The following AGO3 variants were observed in gnomAD, a reference collection of about 807,000 sequenced individuals.
AGO3 encodes protein argonaute-3.
In AGO3, 16 loss-of-function variants were observed where a neutral mutation model predicts 105.5. That is an observed-to-expected ratio of 0.15 (90% CI 0.10 to 0.23). The LOEUF (loss-of-function observed/expected upper bound fraction) is 0.23, where lower values mean the gene tolerates loss of function less well. Ranked by LOEUF, AGO3 falls within the 10% of genes least tolerant of loss-of-function variation. The pLI is 1.00. For synonymous variants in AGO3, 340 were observed against 367.3 expected (o/e 0.93, Z 0.85); for missense variants, 534 against 1,088.0 (o/e 0.49, Z 7.16).
intron 14 of AGO3, among the ~76,000 whole-genome samples, chr1:36,038,004 C>A (rs1405734020): frequency 1.3e-5 from 2 of 152,054 alleles, no homozygotes; most frequent in African/African-American, 2.4e-5. Flanking sequence ...TTGGTTGATT[C>A]TTTTTCACTA....
intron 2 of AGO3, among the ~76,000 whole-genome samples, chr1:35,952,208 G>A (rs770436779): frequency 7.1e-6 from 1 of 141,256 alleles, no homozygotes; most frequent in Non-Finnish European, 1.5e-5. Context: ...GTGCAGTGGC[G>A]CGATCGCGGC....
chr1:35,997,563 C>T (rs1414954664), intron 5 of AGO3, among the ~76,000 whole-genome samples: 1 of 152,120 alleles, frequency 6.6e-6, no homozygotes, highest in Non-Finnish European at 1.5e-5. Flanking sequence ...GTTCTGAGCA[C>T]ATTTAAGGTA....
chr1:35,985,837 G>C (rs1204259527), intron 5 of AGO3, among the ~76,000 whole-genome samples: 1 of 152,082 alleles, frequency 6.6e-6, no homozygotes. Context: ...TAGAAAATTT[G>C]TAACTCATAT....
In AGO3 at chr1:35,972,174, A is replaced by G. The variant is rs1456133866; in HGVS notation, c.463A>G (p.Ile155Val). Residue 155 changes from isoleucine to valine, a missense_variant, in exon 4 of 19, where the codon ATC becomes GTC. Physicochemically the swap from Ile to Val is conservative, Grantham distance 29. Coordinates refer to ENST00000373191, the MANE Select transcript of AGO3 (RefSeq NM_024852.4). ...LPEPLELDKP[I>V]STNPVHAVDV... The stretch of plus-strand genomic sequence containing the variant: ...TGAGCCACTGGAATTAGACAAGCCA[A>G]TCAGCACTAACCCTGTCCATGCCGT... 5 of 1,613,996 alleles carry G rather than the reference A, an allele frequency of 3.1e-6. No individual in the cohort carries two copies. Among genetic ancestry groups the G allele is most frequent in the East Asian group, 2.2e-5 (1 of 44,898 alleles).
intron 5 of AGO3, among the ~76,000 whole-genome samples, chr1:35,992,828 T>C (rs1647810092): frequency 6.6e-6 from 1 of 152,216 alleles, no homozygotes; most frequent in South Asian, 2.1e-4. Flanking sequence ...AGGAGTGACT[T>C]CGATGGTTCT....
chr1:35,952,820 G>A (rs1388447177), intron 2 of AGO3, among the ~76,000 whole-genome samples: 1 of 152,178 alleles, frequency 6.6e-6, no homozygotes, highest in Admixed American at 6.5e-5. Context: ...ATTCTATGAT[G>A]TTCACACAAC....
chr1:36,055,814 G>T lies in AGO3; in HGVS notation c.*69G>T, dbSNP rs569965014. 86 of 1,511,598 alleles carry T rather than the reference G, an allele frequency of 5.7e-5. No homozygotes were observed. The African/African-American group carries it at 1.0e-3, about 18-fold the overall frequency. The allele number at this position is 1,511,598 out of a possible 1,614,324, so 93.6% of individuals were successfully genotyped here. On this transcript the variant is annotated 3_prime_UTR_variant, in exon 19 of 19. Transcript: ENST00000373191. This position sits in a 1 kb window ranked among gnomAD's most constrained non-coding sequence, Gnocchi z 4.4. ...TTGACATACAACGTATGTTTCCAGT[G>T]AAGTCAATTGAGTAAGGACACCTCC...
At chr1:36,005,334 A>T (rs1640286536) in intron 6 of AGO3, among the ~76,000 whole-genome samples, 1 of 152,194 alleles carries the variant, frequency 6.6e-6, no homozygotes, top group Admixed American at 6.6e-5. Flanking sequence ...AGAGTAGTTT[A>T]ATACATTCTG....
chr1:35,962,644 A>G (rs777807237), intron 2 of AGO3, among the ~76,000 whole-genome samples: 11 of 152,122 alleles, frequency 7.2e-5, no homozygotes, highest in Non-Finnish European at 1.6e-4. Flanking sequence ...TGATTTATAT[A>G]TGGGAAGTGA....
At chr1:36,029,930 T>G (rs1295645521) in intron 12 of AGO3, among the ~76,000 whole-genome samples, 1 of 151,754 alleles carries the variant, frequency 6.6e-6, no homozygotes, top group Non-Finnish European at 1.5e-5. Context: ...TGACCTCAGG[T>G]GATCTGCCCA....
intron 2 of AGO3, among the ~76,000 whole-genome samples, chr1:35,966,105 G>A (rs1391264924): frequency 1.3e-5 from 2 of 152,106 alleles, no homozygotes; most frequent in African/African-American, 4.8e-5. Context: ...GATTACAGGC[G>A]TAAGCCACTG....
At position 36,008,906 on chromosome 1, in the gene AGO3, A is replaced by G. The variant is rs760021686; in HGVS notation, c.891A>G (p.Leu297=). 1 of 1,613,640 alleles carries G rather than the reference A, an allele frequency of 6.2e-7. No individual in the cohort carries two copies. Among genetic ancestry groups the G allele is most frequent in the African/African-American group, 1.3e-5 (1 of 74,756 alleles). Residue 297 remains leucine (L), a synonymous_variant, in exon 8 of 19, where the codon TTA becomes TTG. Transcript: ENST00000373191. The surrounding 1 kb of genome is among the most constrained non-coding windows in gnomAD (Gnocchi z 5.1). Reference sequence around the variant, plus strand: ...ACTTTTTTTTCCTCAGCTTTCCTTTACAGTTAGAAAACGGCCAAACTGTGG... The same window carrying G: ...ACTTTTTTTTCCTCAGCTTTCCTTTGCAGTTAGAAAACGGCCAAACTGTGG... ...RRPASHQTFP[L]QLENGQTVER...
chr1:35,948,216 ATTT>A (rs926949293), intron 2 of AGO3, among the ~76,000 whole-genome samples: 7 of 135,286 alleles, frequency 5.2e-5, no homozygotes, highest in Admixed American at 7.5e-5. Flanking sequence ...AAGGAACAGA[ATTT>A]TTTTTTTTTT....
At chr1:35,983,785 C>T (rs1647105156) in intron 5 of AGO3, among the ~76,000 whole-genome samples, 1 of 152,146 alleles carries the variant, frequency 6.6e-6, no homozygotes, top group Admixed American at 6.5e-5. Flanking sequence ...GTACTGTCAA[C>T]TGAATATGGA....
At chr1:35,976,923 T>TCC (rs1291349335) in intron 5 of AGO3, among the ~76,000 whole-genome samples, 5 of 152,166 alleles carry the variant, frequency 3.3e-5, no homozygotes, top group Non-Finnish European at 7.4e-5. Flanking sequence ...AGTTTTAAAA[T>TCC]AGTATTGATA....
chr1:35,966,691 T>C (rs1646780822), intron 2 of AGO3, among the ~76,000 whole-genome samples: 1 of 152,216 alleles, frequency 6.6e-6, no homozygotes, highest in Non-Finnish European at 1.5e-5. Flanking sequence ...TTTCTAAGAA[T>C]ATTTTGCAGG....
chr1:35,985,049 T>G (rs1187899449), intron 5 of AGO3, among the ~76,000 whole-genome samples: 1 of 152,056 alleles, frequency 6.6e-6, no homozygotes, highest in Non-Finnish European at 1.5e-5. Context: ...TCCAGCACAT[T>G]GGGAGGCCAA....
intron 17 of AGO3, among the ~76,000 whole-genome samples, chr1:36,051,469 CA>C (rs1335650689): frequency 6.6e-6 from 1 of 152,132 alleles, no homozygotes; most frequent in Non-Finnish European, 1.5e-5. Context: ...CCTGTAATCC[CA>C]GCTTCTCAGG....
At chr1:35,944,598 C>T (rs1646326207) in intron 1 of AGO3, among the ~76,000 whole-genome samples, 1 of 134,804 alleles carries the variant, frequency 7.4e-6, no homozygotes, top group South Asian at 2.2e-4. Flanking sequence ...GTTGCCCAGG[C>T]TGAAGTGCAG....
Sources: gnomAD v4.1 joint callset for allele counts (sites outside exome capture counted in the v4.1 genomes callset) on GRCh38, gnomAD v4.1.1 for gene constraint, Gnocchi (gnomAD v3.1) non-coding constraint, MANE v1.5 for transcripts, NCBI Gene and HGNC (gene_info 2026-07-23, HGNC 2026-07-21) for gene names.